Variants in HMX1 observed in about 807,000 individuals in gnomAD.
The protein encoded by HMX1 is H6 family homeobox 1.
Under a neutral mutation model 8.9 loss-of-function variants are expected in HMX1, and 8 were observed. The ratio of observed to expected loss-of-function variants is 0.90; its 90% CI spans 0.53 to 1.63. The LOEUF is 1.63. Among genes scored for constraint, HMX1 ranks in the 40% most tolerant of loss-of-function variants. The pLI, the probability that HMX1 is intolerant of heterozygous loss-of-function variation, is 0.00. For missense variants in HMX1, 621 were observed against 558.5 expected (o/e 1.11, Z -1.13); for synonymous variants, 311 against 283.4 (o/e 1.10, Z -0.98).
At chr4:8,852,127 A>G (rs1721468234) in intron 1 of HMX1, among the ~76,000 whole-genome samples, 1 of 152,258 alleles carries the variant, frequency 6.6e-6, no homozygotes, top group Non-Finnish European at 1.5e-5. Flanking sequence ...GGAGAGCGTG[A>G]TGAGTATTGA....
At position 8,849,017 on chromosome 4, in the gene HMX1, G is replaced by A. The variant is rs575213437; in HGVS notation, c.395-2693C>T. 2.1e-3 allele frequency among the ~76,000 whole-genome samples: 323 copies of A among 152,238 alleles called. 1 individual carries two copies. Among genetic ancestry groups the A allele is most frequent in the African/African-American group, 7.1e-3 (297 of 41,548 alleles). On this transcript the variant is annotated intron_variant, in intron 1 of 1. Coordinates refer to the HMX1 transcript ENST00000506970. This position sits in a 1 kb window ranked among gnomAD's most constrained non-coding sequence, Gnocchi z 6.6. Reference sequence around the variant, plus strand: ...TCCTCTCTGAACAGAGTGCAGCATCGTGGGGGTGGAGACCCGGCTGAGGGG... The same window carrying A: ...TCCTCTCTGAACAGAGTGCAGCATCATGGGGGTGGAGACCCGGCTGAGGGG...
At chr4:8,855,809 G>A (rs1358545391) in intron 1 of HMX1, among the ~76,000 whole-genome samples, 1 of 152,128 alleles carries the variant, frequency 6.6e-6, no homozygotes, top group Non-Finnish European at 1.5e-5. Flanking sequence ...GGGAGTGAGA[G>A]CCAATCTGCC....
rs1050059179 is a variant in HMX1, at chr4:8,846,090, A to C, written c.*56T>G. 2.8e-5 allele frequency: 17 copies of C among 609,356 alleles called. No individual in the cohort carries two copies. In the Admixed American group the frequency reaches 4.8e-4, roughly 17 times the overall value. The allele number at this position is 609,356 out of a possible 1,614,324, so 37.7% of individuals were successfully genotyped here. On this transcript the variant is annotated 3_prime_UTR_variant, in exon 2 of 2. Coordinates refer to the HMX1 transcript ENST00000506970. ...CAAAATCCAGGTGGGTGCACACACT[A>C]AGGTTTATTTCTTGCTCACACTGAG...
In HMX1 at chr4:8,853,457, A is replaced by T. The variant is rs141259448; in HGVS notation, c.395-7133T>A. On this transcript the variant is annotated intron_variant, in intron 1 of 1. Transcript: ENST00000506970. This position sits in a 1 kb window ranked among gnomAD's most constrained non-coding sequence, Gnocchi z 4.7. The stretch of plus-strand genomic sequence containing the variant: ...CATCTCATGCTCACTGGTCAGAACC[A>T]CATCATGTGACCGGGCTGAGCTGCA... Among the ~76,000 whole-genome samples the T allele has an allele frequency of 4.0e-3, 604 of 152,328 alleles. 3 individuals carry two copies. The highest frequency in any genetic ancestry group is 0.014 in the African/African-American group (567 of 41,562).
Position 8,852,367 on chromosome 4 carries a change from CT to C in HMX1, c.395-6044del, listed in dbSNP as rs1475808824. Among the ~76,000 whole-genome samples, 3 of 152,236 alleles carry C rather than the reference CT, an allele frequency of 2.0e-5. No individual in the cohort carries two copies. The East Asian group carries it at 5.8e-4, about 29-fold the overall frequency. ...TTTGTCACGGAGCAGCTGTAACGAC[CT>C]TGGCTATCATTTTTTGAGCACCTAG... On this transcript the variant is annotated intron_variant, in intron 1 of 1. Coordinates refer to the HMX1 transcript ENST00000506970.
intron 1 of HMX1, among the ~76,000 whole-genome samples, chr4:8,857,701 G>A (rs2109460072): frequency 6.6e-6 from 1 of 152,306 alleles, no homozygotes; most frequent in African/African-American, 2.4e-5. Context: ...GGGGGTTCGG[G>A]AAACAATTTT....
Position 8,853,117 on chromosome 4 carries a change from G to C in HMX1, c.395-6793C>G, listed in dbSNP as rs1250928953. Among the ~76,000 whole-genome samples, 4 of 152,192 alleles carry C rather than the reference G, an allele frequency of 2.6e-5. No homozygotes were observed. Among genetic ancestry groups the C allele is most frequent in the African/African-American group, 9.7e-5 (4 of 41,448 alleles). On this transcript the variant is annotated intron_variant, in intron 1 of 1. Transcript: ENST00000506970. This position sits in a 1 kb window ranked among gnomAD's most constrained non-coding sequence, Gnocchi z 4.7. ...AGATTCTGACTGGCCCAGTTTACAA[G>C]AGCCTCCTGTATTAGGGTATTGACT...
At chr4:8,860,999 G>C (rs1267345920) in intron 1 of HMX1, among the ~76,000 whole-genome samples, 5 of 151,678 alleles carry the variant, frequency 3.3e-5, no homozygotes, top group African/African-American at 1.2e-4. Context: ...CCGGAACCGC[G>C]GGGAGGGGGC....
At chr4:8,864,684 C>A (rs939901185), downstream of HMX1, among the ~76,000 whole-genome samples, 2 of 152,202 alleles carry the variant, frequency 1.3e-5, no homozygotes, top group Non-Finnish European at 2.9e-5. Context: ...CCCCAAGACG[C>A]CAGAGCCCCA....
chr4:8,860,290 G>A (rs1216240176), intron 1 of HMX1, among the ~76,000 whole-genome samples: 2 of 152,240 alleles, frequency 1.3e-5, no homozygotes, highest in South Asian at 2.1e-4. Context: ...CAGGCTGAGG[G>A]GACCGGCCCG....
chr4:8,871,314 C>CG lies in HMX1; in HGVS notation c.300dup (p.Gly101ArgfsTer31). 9 of 1,384,782 alleles carry CG rather than the reference C, an allele frequency of 6.5e-6. No individual in the cohort carries two copies. The highest frequency in any genetic ancestry group is 3.5e-5 in the Admixed American group (1 of 28,918). The allele number at this position is 1,384,782 out of a possible 1,614,324, so 85.8% of individuals were successfully genotyped here. A position where few individuals can be genotyped will look rare whatever the true frequency, so the allele number is the denominator to read the frequency against. ...CCCAGAGCGAAGGGCGGCCCGGGAC[C>CG]GGGGGGCGGCCGAGGACCGAGGCCC... On this transcript the variant is annotated frameshift_variant, in exon 1 of 2. Transcript: ENST00000400677. LOFTEE classifies it high-confidence loss of function. This position sits in a 1 kb window ranked among gnomAD's most constrained non-coding sequence, Gnocchi z 4.8.
At chr4:8,855,897 C>T (rs1252430363) in intron 1 of HMX1, among the ~76,000 whole-genome samples, 1 of 152,146 alleles carries the variant, frequency 6.6e-6, no homozygotes, top group African/African-American at 2.4e-5. Flanking sequence ...GGTTCCTGTA[C>T]GGGGCCAGCC....
chr4:8,871,636 C>A lies in HMX1; in HGVS notation c.-22G>T. 8.1e-7 allele frequency: 1 copy of A among 1,236,856 alleles called. No individual in the cohort carries two copies. Among genetic ancestry groups the A allele is most frequent in the Non-Finnish European group, 1.0e-6 (1 of 991,242 alleles). 76.6% of individuals were successfully genotyped at this position (1,236,856 alleles called of 1,614,324 possible). On this transcript the variant is annotated 5_prime_UTR_variant, in exon 1 of 2. Transcript: ENST00000400677. This position sits in a 1 kb window ranked among gnomAD's most constrained non-coding sequence, Gnocchi z 4.8. Reference sequence around the variant, plus strand: ...GCATCGCGGCCGCGGGCTTCTCGGGCTCGGCCGGGCTCCTCGGTCCCCGCT... The same window carrying A: ...GCATCGCGGCCGCGGGCTTCTCGGGATCGGCCGGGCTCCTCGGTCCCCGCT...
chr4:8,852,279 T>C (rs906229590), intron 1 of HMX1, among the ~76,000 whole-genome samples: 1 of 152,032 alleles, frequency 6.6e-6, no homozygotes, highest in African/African-American at 2.4e-5. Flanking sequence ...TGCAGGGAGG[T>C]GTCGAACCTG....
At chr4:8,863,794 GGCCCA>G (rs1721907125), downstream of HMX1, among the ~76,000 whole-genome samples, 1 of 152,274 alleles carries the variant, frequency 6.6e-6, no homozygotes, top group Non-Finnish European at 1.5e-5. Context: ...AAATGGGGCA[GGCCCA>G]GGTCGGCCTC....
rs1721342635 is a variant in HMX1 at position 8,848,541 on chromosome 4, C to A, written c.395-2217G>T. ...ATAGGAAACCTGAGGCCAGAGAAGG[C>A]AAGTAAGTTGCCTGGGTCACACAGC... On this transcript the variant is annotated intron_variant, in intron 1 of 1. Coordinates refer to the HMX1 transcript ENST00000506970. This position sits in a 1 kb window ranked among gnomAD's most constrained non-coding sequence, Gnocchi z 4.1. Among the ~76,000 whole-genome samples the A allele has an allele frequency of 6.6e-6, 1 of 152,208 alleles. No homozygotes were observed. The highest frequency in any genetic ancestry group is 2.1e-4 in the South Asian group (1 of 4,826).
chr4:8,864,904 T>C (rs1721947131), downstream of HMX1, among the ~76,000 whole-genome samples: 1 of 152,244 alleles, frequency 6.6e-6, no homozygotes, highest in African/African-American at 2.4e-5. Flanking sequence ...TAATTAATTC[T>C]ATCGAAAGAC....
Position 8,849,995 on chromosome 4 carries a change from C to T in HMX1, c.395-3671G>A, listed in dbSNP as rs776605556. Among the ~76,000 whole-genome samples the T allele has an allele frequency of 1.3e-5, 2 of 152,176 alleles. No individual in the cohort carries two copies. The highest frequency in any genetic ancestry group is 2.9e-5 in the Non-Finnish European group (2 of 68,020). ...CCCTGTGGGTGTTGGTTTCTCTGGG[C>T]CTCCTTCTCCCACAGCCCCACAACC... is the stretch of plus-strand genomic sequence containing the variant. On this transcript the variant is annotated intron_variant, in intron 1 of 1. Coordinates refer to the HMX1 transcript ENST00000506970. The surrounding 1 kb of genome is among the most constrained non-coding windows in gnomAD (Gnocchi z 6.6).
intron 1 of HMX1, among the ~76,000 whole-genome samples, chr4:8,851,933 G>A (rs757855357): frequency 6.6e-6 from 1 of 152,246 alleles, no homozygotes; most frequent in Non-Finnish European, 1.5e-5. Context: ...GGCAGAGATG[G>A]GAGGGCCTCG....
Sources: allele counts gnomAD v4.1 joint callset (sites outside exome capture counted in the v4.1 genomes callset), GRCh38; gene constraint gnomAD v4.1.1; non-coding constraint Gnocchi (gnomAD v3.1); transcripts MANE v1.5; gene names NCBI Gene and HGNC (gene_info 2026-07-23, HGNC 2026-07-21).